CA5A: variants seen among roughly 807,000 people sequenced by gnomAD.
The protein encoded by CA5A is carbonic anhydrase 5A.
Under a neutral mutation model 37.1 loss-of-function variants are expected in CA5A, and 28 were observed. The observed-to-expected ratio is 0.75, with a 90% CI of 0.56 to 1.03. The LOEUF is 1.03. Ranked by LOEUF, CA5A falls within the 50% of genes least tolerant of loss-of-function variation. CA5A has a pLI of 0.00. For synonymous variants in CA5A, 171 were observed against 158.4 expected, an observed-to-expected ratio of 1.08 and a Z score of -0.60; for missense variants, 444 against 399.9, an observed-to-expected ratio of 1.11 and a Z score of -0.94.
At chr16:87,924,384 C>T (rs1027448990) in intron 2 of CA5A, 4 of 890,816 alleles carry the variant, frequency 4.5e-6, no homozygotes, top group African/African-American at 3.6e-5. Context: ...GTGGTGTTTG[C>T]GATGCACTGT....
intron 1 of CA5A, among the ~76,000 whole-genome samples, chr16:87,933,426 G>T (rs1255777511): frequency 6.6e-6 from 1 of 152,210 alleles, no homozygotes; most frequent in Non-Finnish European, 1.5e-5. Flanking sequence ...GCCCAGGCTG[G>T]AGTGCAGTGG....
chr16:87,896,557 G>A (rs926862790), intron 5 of CA5A, among the ~76,000 whole-genome samples: 1 of 152,234 alleles, frequency 6.6e-6, no homozygotes, highest in Non-Finnish European at 1.5e-5. Context: ...CATTATCTGA[G>A]CACGGATGGC....
At chr16:87,894,307 T>C (rs542760947) in intron 5 of CA5A, among the ~76,000 whole-genome samples, 1 of 152,050 alleles carries the variant, frequency 6.6e-6, no homozygotes, top group East Asian at 1.9e-4. Context: ...AAGAGTCCAG[T>C]CCAAAGTGAC....
intron 2 of CA5A, 23 bp from the exon 3 acceptor site, chr16:87,904,927 G>T (rs372171848): frequency 1.4e-6 from 2 of 1,462,276 alleles, no homozygotes; most frequent in African/African-American, 2.8e-5. Flanking sequence ...GCAGTGAGAC[G>T]TGTGTGTCAT....
At chr16:87,908,989 A>ATTTT (rs60201296) in intron 2 of CA5A, among the ~76,000 whole-genome samples, 5,100 of 139,266 alleles carry the variant, frequency 0.037, 140 homozygotes, top group African/African-American at 0.082. Context: ...ACACCCGGCT[A>ATTTT]TTTTTTTTTT....
intron 5 of CA5A, among the ~76,000 whole-genome samples, chr16:87,896,260 G>A (rs1306975100): frequency 1.3e-5 from 2 of 152,226 alleles, no homozygotes; most frequent in African/African-American, 2.4e-5. Flanking sequence ...AATCAGTCAG[G>A]GGAGTGGCAG....
intron 1 of CA5A, among the ~76,000 whole-genome samples, chr16:87,931,791 G>C (rs748204074): frequency 4.6e-5 from 7 of 152,236 alleles, no homozygotes; most frequent in Non-Finnish European, 1.0e-4. Context: ...GCATCCTGCA[G>C]ATGCGTTCTG....
chr16:87,929,655 G>T (rs12711484), intron 1 of CA5A, among the ~76,000 whole-genome samples: 12 of 151,614 alleles, frequency 7.9e-5, no homozygotes, highest in Admixed American at 7.2e-4. Flanking sequence ...GGCGGATCAC[G>T]AGGTCAGGAG....
At chr16:87,918,238 C>A (rs2056182019) in intron 2 of CA5A, among the ~76,000 whole-genome samples, 1 of 152,246 alleles carries the variant, frequency 6.6e-6, no homozygotes, top group African/African-American at 2.4e-5. Context: ...CACAGCCCTG[C>A]CCAATGAGCT....
At chr16:87,885,231 C>A, downstream of CA5A, 1 of 163,046 alleles carries the variant, frequency 6.1e-6, no homozygotes, top group Non-Finnish European at 1.3e-5. Flanking sequence ...AAAGGCAGCC[C>A]CAGAGTGGGA....
intron 2 of CA5A, among the ~76,000 whole-genome samples, chr16:87,918,500 G>A (rs1269599030): frequency 6.6e-6 from 1 of 151,540 alleles, no homozygotes; most frequent in Admixed American, 6.6e-5. Flanking sequence ...GCCCATGCTT[G>A]CTCCAAGTGC....
At chr16:87,929,344 G>T (rs72816350) in intron 1 of CA5A, among the ~76,000 whole-genome samples, 1 of 149,864 alleles carries the variant, frequency 6.7e-6, no homozygotes, top group East Asian at 2.0e-4. Context: ...CCCAGCTACC[G>T]GGGAGGCTGA....
intron 2 of CA5A, among the ~76,000 whole-genome samples, chr16:87,912,428 G>A (rs1242322665): frequency 6.6e-6 from 1 of 152,206 alleles, no homozygotes; most frequent in African/African-American, 2.4e-5. Context: ...AGACCTGCAC[G>A]TAAAGACGTC....
chr16:87,901,314 C>T (rs570177130), intron 5 of CA5A, among the ~76,000 whole-genome samples: 1 of 152,318 alleles, frequency 6.6e-6, no homozygotes, highest in African/African-American at 2.4e-5. Flanking sequence ...TTCAGGATCT[C>T]GCCTGCATGG....
In CA5A at chr16:87,926,711, G is replaced by A. The variant is rs756119242; in HGVS notation, c.340+37C>T. The A allele has an allele frequency of 1.2e-5, 19 of 1,537,226 alleles. No individual in the cohort carries two copies. The East Asian group carries it at 4.1e-4, about 33-fold the overall frequency. On this transcript the variant is annotated intron_variant, in intron 2 of 6. Transcript: ENST00000649794. ...CTTGACCCTGCTGCCAGAACAACGG[G>A]AGAGGACAAAGCCCTCGAGCCCCAG...
intron 1 of CA5A, 125 bp from the exon 2 acceptor site, chr16:87,927,070 G>C (rs1377716346): frequency 7.2e-6 from 5 of 697,218 alleles, no homozygotes; most frequent in African/African-American, 1.8e-5. Context: ...CTGACCCACG[G>C]GAAACGGGCG....
At chr16:87,901,118 C>A (rs1428811640) in intron 5 of CA5A, among the ~76,000 whole-genome samples, 1 of 152,058 alleles carries the variant, frequency 6.6e-6, no homozygotes, top group African/African-American at 2.4e-5. Context: ...TTGTCCCAGC[C>A]GCATGGGAGG....
chr16:87,936,486 G>C lies in CA5A; in HGVS notation c.-36C>G. 1 of 1,611,240 alleles carries C rather than the reference G, an allele frequency of 6.2e-7. No homozygotes were observed. Among genetic ancestry groups the C allele is most frequent in the Non-Finnish European group, 8.5e-7 (1 of 1,179,066 alleles). On this transcript the variant is annotated 5_prime_UTR_variant, in exon 1 of 7. Transcript: ENST00000649794. ...TTCCCACTGACTCCAGTCTGAAGAG[G>C]GTGATGTTCCCTGCTGTCTGTTCTC...
chr16:87,927,053 T>G, intron 1 of CA5A, 108 bp from the exon 2 acceptor site: 3 of 791,846 alleles, frequency 3.8e-6, no homozygotes, highest in East Asian at 2.7e-5. Context: ...TCCTGGCTCA[T>G]GGGAAACTGA....
Sources: allele counts gnomAD v4.1 joint callset (sites outside exome capture counted in the v4.1 genomes callset), GRCh38; gene constraint gnomAD v4.1.1; transcripts MANE v1.5; gene names NCBI Gene and HGNC (gene_info 2026-07-23, HGNC 2026-07-21).